Variants in TG observed in about 807,000 individuals in gnomAD.
TG encodes thyroglobulin, also known as thyroid hormones.
A neutral mutation model predicts 324.7 loss-of-function variants in TG; 270 were observed. The observed-to-expected ratio is 0.83, with a 90% CI of 0.75 to 0.92. The LOEUF (loss-of-function observed/expected upper bound fraction) is 0.92, where lower values mean the gene tolerates loss of function less well. TG is among the 40% of genes least tolerant of loss of function. The probability of loss-of-function intolerance (pLI) is 0.00; values close to 1 mark genes in which losing one functional copy is unlikely to be tolerated. For synonymous variants in TG, 1,401 were observed against 1,327.0 expected (o/e 1.06, Z -1.21); for missense variants, 3,591 against 3,456.4 (o/e 1.04, Z -0.98).
intron 41 of TG, chr8:133,038,276 C>T (rs1350385163): frequency 9.3e-6 from 5 of 539,890 alleles, no homozygotes; most frequent in South Asian, 8.3e-5. Context: ...TGGGCTCTTC[C>T]AAGCATCGCC....
At chr8:133,068,345 C>T (rs989158516) in intron 41 of TG, among the ~76,000 whole-genome samples, 1 of 152,186 alleles carries the variant, frequency 6.6e-6, no homozygotes, top group African/African-American at 2.4e-5. Flanking sequence ...GGATCTCATA[C>T]ACTCTCAGGC....
chr8:132,961,230 T>A (rs1827715899), intron 28 of TG, among the ~76,000 whole-genome samples, 157 bp downstream of exon 28: 1 of 152,132 alleles, frequency 6.6e-6, no homozygotes, highest in Admixed American at 6.5e-5. Flanking sequence ...GGGCTCCAAC[T>A]CATCAGATAA....
At chr8:133,100,929 A>G (rs1309398865) in intron 43 of TG, among the ~76,000 whole-genome samples, 1 of 151,940 alleles carries the variant, frequency 6.6e-6, no homozygotes, top group Non-Finnish European at 1.5e-5. Context: ...TATGGCTGTG[A>G]GGTAGGGAAC....
At chr8:133,068,791 ATTTC>A (rs1267686068) in intron 41 of TG, among the ~76,000 whole-genome samples, 1 of 152,220 alleles carries the variant, frequency 6.6e-6, no homozygotes, top group Non-Finnish European at 1.5e-5. Context: ...AAAAGAGCCC[ATTTC>A]TTTCTTTCTA....
chr8:133,084,193 G>A (rs1182076373), intron 41 of TG, among the ~76,000 whole-genome samples: 3 of 152,254 alleles, frequency 2.0e-5, no homozygotes, highest in African/African-American at 7.2e-5. Flanking sequence ...GGAGAGAGAG[G>A]GGCAGTCTAG....
intron 28 of TG, among the ~76,000 whole-genome samples, chr8:132,962,083 C>T (rs1237262884): frequency 6.6e-6 from 1 of 151,634 alleles, no homozygotes; most frequent in African/African-American, 2.4e-5. Flanking sequence ...ATCATACATG[C>T]TGAGTAATGT....
chr8:133,007,187 T>G (rs991460113), intron 35 of TG, among the ~76,000 whole-genome samples: 1 of 152,174 alleles, frequency 6.6e-6, no homozygotes, highest in Non-Finnish European at 1.5e-5. Flanking sequence ...TGGACTTTAT[T>G]TTTATGCTAA....
intron 27 of TG, among the ~76,000 whole-genome samples, chr8:132,949,943 C>T (rs967777740): frequency 3.3e-5 from 5 of 152,198 alleles, no homozygotes; most frequent in Admixed American, 2.6e-4. Context: ...CCATGTACCA[C>T]TGATGTGATC....
intron 35 of TG, chr8:132,995,612 T>A (rs1385383205): frequency 1.3e-6 from 1 of 792,278 alleles, no homozygotes; most frequent in Non-Finnish European, 1.5e-6. Flanking sequence ...AAAGAGGAGT[T>A]CAGATGCTCT....
intron 26 of TG, among the ~76,000 whole-genome samples, chr8:132,943,051 G>T (rs1269168126): frequency 6.6e-6 from 1 of 152,158 alleles, no homozygotes; most frequent in Non-Finnish European, 1.5e-5. Context: ...TCAGGGTAGA[G>T]GATGTCTCCT....
At chr8:132,869,530 A>G (rs1304566268) in intron 2 of TG, among the ~76,000 whole-genome samples, 199 bp from the exon 3 acceptor site, 1 of 152,190 alleles carries the variant, frequency 6.6e-6, no homozygotes, top group African/African-American at 2.4e-5. Context: ...CAGGAGGCAG[A>G]GCAGGTGCTA....
intron 41 of TG, among the ~76,000 whole-genome samples, chr8:133,045,383 T>C (rs927852683): frequency 6.8e-6 from 1 of 146,438 alleles, no homozygotes; most frequent in African/African-American, 2.5e-5. Context: ...TTTCATCCTC[T>C]TTGCTTTTTT....
At chr8:133,083,959 C>T (rs905223544) in intron 41 of TG, among the ~76,000 whole-genome samples, 1 of 152,204 alleles carries the variant, frequency 6.6e-6, no homozygotes, top group African/African-American at 2.4e-5. Flanking sequence ...GGCCATGCCT[C>T]CTGTGGCACT....
At chr8:133,004,902 T>C (rs747090483) in intron 35 of TG, among the ~76,000 whole-genome samples, 6 of 151,952 alleles carry the variant, frequency 3.9e-5, no homozygotes, top group Non-Finnish European at 8.8e-5. Flanking sequence ...TGCAGTGAAA[T>C]TGATGAGGCC....
chr8:132,947,862 T>TA (rs1825546992), intron 26 of TG, among the ~76,000 whole-genome samples: 1 of 152,130 alleles, frequency 6.6e-6, no homozygotes, highest in Non-Finnish European at 1.5e-5. Flanking sequence ...ATAGCAGATA[T>TA]AAAAAAACGT....
Position 132,869,747 on chromosome 8 carries a change from C to A in TG, c.195C>A (p.Asn65Lys). The stretch of plus-strand genomic sequence containing the variant: ...TCCTCAGGACTGTCCAGTGCCAGAA[C>A]GACGGCCGCTCCTGCTGGTGTGTGG... ...DGSFQTVQCQ[N>K]DGRSCWCVGA... is the part of the protein sequence containing the mutation. Residue 65 changes from asparagine to lysine, a missense_variant, in exon 3 of 48, where the codon AAC (asparagine) becomes AAA (lysine). By Grantham distance (94) the Asn-to-Lys change is moderately conservative. Coordinates refer to ENST00000220616, the MANE Select transcript of TG (RefSeq NM_003235.5). 1.2e-6 allele frequency: 2 copies of A among 1,614,174 alleles called. No homozygotes were observed. The highest frequency in any genetic ancestry group is 1.7e-6 in the Non-Finnish European group (2 of 1,180,032).
chr8:132,998,817 G>T (rs1833146814), intron 35 of TG, among the ~76,000 whole-genome samples: 1 of 152,178 alleles, frequency 6.6e-6, no homozygotes, highest in African/African-American at 2.4e-5. Context: ...CAGTTGGCTG[G>T]AATGGAGTGG....
chr8:133,067,305 C>G (rs1046807316), intron 41 of TG, among the ~76,000 whole-genome samples: 2 of 152,106 alleles, frequency 1.3e-5, no homozygotes, highest in Non-Finnish European at 2.9e-5. Flanking sequence ...CCACCCCACC[C>G]CCATCTGCTT....
Position 133,009,735 on chromosome 8 carries a change from C to G in TG, c.6263-2166C>G, listed in dbSNP as rs1399208623. On this transcript the variant is annotated intron_variant, in intron 35 of 47. Coordinates refer to ENST00000220616, the MANE Select transcript of TG (RefSeq NM_003235.5). ...AGAGGGCTCGCTTGGTCTTTCTGCT[C>G]TCTGCCATGTGATGATACAGCAAGA... Among the ~76,000 whole-genome samples, 7 of 151,750 alleles carry G rather than the reference C, an allele frequency of 4.6e-5. No individual in the cohort carries two copies. In the South Asian group the frequency reaches 1.5e-3, roughly 32 times the overall value.
Sources: gnomAD v4.1 joint callset for allele counts (sites outside exome capture counted in the v4.1 genomes callset) on GRCh38, gnomAD v4.1.1 for gene constraint, MANE v1.5 for transcripts, NCBI Gene and HGNC (gene_info 2026-07-23, HGNC 2026-07-21) for gene names.